Variants in NID2 observed in about 807,000 individuals in gnomAD.
NID2 encodes nidogen 2.
NID2 carries 83 observed loss-of-function variants against 145.4 expected under a neutral mutation model. The ratio of observed to expected loss-of-function variants is 0.57; its 90% CI spans 0.48 to 0.69. The LOEUF (loss-of-function observed/expected upper bound fraction) is 0.69. NID2 is among the 30% of genes least tolerant of loss of function. The probability of loss-of-function intolerance (pLI) is 0.00; values close to 1 mark genes in which losing one functional copy is unlikely to be tolerated. For missense variants in NID2, 1,807 were observed against 1,765.7 expected (o/e 1.02, Z -0.42); for synonymous variants, 739 against 701.3 (o/e 1.05, Z -0.85).
chr14:52,062,911 G>A (rs1893059653), intron 2 of NID2, among the ~76,000 whole-genome samples: 1 of 152,078 alleles, frequency 6.6e-6, no homozygotes, highest in Admixed American at 6.6e-5. Context: ...ACTCATTATG[G>A]GTGGCAAGTA....
rs886647903 is a variant in NID2 at position 52,014,454 on chromosome 14, T to C, written c.3253A>G (p.Ile1085Val). 7 of 1,606,956 alleles carry C rather than the reference T, an allele frequency of 4.4e-6. No homozygotes were observed. The highest frequency in any genetic ancestry group is 6.0e-6 in the Non-Finnish European group (7 of 1,176,312). ...RSQPGTTPAC[I>V]PTVAPPMVRP... is the part of the protein sequence containing the mutation. ...ACCATGGGTGGAGCGACGGTGGGTA[T>C]ACCTGTGGGAGAGAGGGTGGGAGAG... Residue 1085 changes from isoleucine (I) to valine (V), a missense_variant and splice_region_variant, in exon 16 of 22, where the codon ATA becomes GTA. By Grantham distance (29) the Ile-to-Val change is conservative. Coordinates refer to ENST00000216286, the MANE Select transcript of NID2 (RefSeq NM_007361.4).
chr14:52,010,737 A>G, intron 18 of NID2, 139 bp downstream of exon 18: 1 of 798,910 alleles, frequency 1.3e-6, no homozygotes, highest in Non-Finnish European at 2.0e-6. Flanking sequence ...CACCTCTTAG[A>G]TCCTCAGTAA....
intron 19 of NID2, 163 bp from the exon 20 acceptor site, chr14:52,006,823 CCA>C (rs1465676946): frequency 2.8e-5 from 17 of 602,998 alleles, no homozygotes; most frequent in African/African-American, 2.2e-4. Flanking sequence ...TTACTAGTCT[CCA>C]GTTTTTAGTA....
Position 52,054,110 on chromosome 14 carries a change from A to G in NID2, c.979T>C (p.Tyr327His), listed in dbSNP as rs767083735. The G allele has an allele frequency of 2.5e-6, 4 of 1,614,140 alleles. No homozygotes were observed. In the Admixed American group the frequency reaches 6.7e-5, roughly 27 times the overall value. The change falls in exon 4 of 22, where the codon TAC becomes CAC. Residue 327 changes from tyrosine (Y) to histidine (H), a missense_variant. Physicochemically the swap from Tyr to His is moderately conservative, Grantham distance 83. Transcript: ENST00000216286. ...YYDVNEEEAE[Y>H]LPGEPEEALN... ...GCCTCCTCTGGTTCACCCGGAAGGT[A>G]TTCAGCTTCCTCCTCATTCACATCA... is the stretch of plus-strand genomic sequence containing the variant.
chr14:52,043,129 C>G (rs941074998), intron 5 of NID2, among the ~76,000 whole-genome samples, 198 bp from the exon 6 acceptor site: 7 of 152,148 alleles, frequency 4.6e-5, no homozygotes, highest in Admixed American at 3.9e-4. Context: ...CTTACTGCTC[C>G]CGGCTGGGTC....
intron 8 of NID2, 130 bp from the exon 9 acceptor site, chr14:52,039,107 T>G: frequency 3.0e-6 from 2 of 677,598 alleles, no homozygotes. Flanking sequence ...TGAGTTTATA[T>G]GAAAAAATGT....
At chr14:52,011,938 CAT>C (rs1298302426) in intron 16 of NID2, 6 of 404,198 alleles carry the variant, frequency 1.5e-5, no homozygotes, top group South Asian at 3.7e-5. Flanking sequence ...GTACCTGCCT[CAT>C]ATGGTTGCTA....
At chr14:52,005,567 C>CTT (rs761885840) in intron 21 of NID2, 71 bp from the exon 22 acceptor site, 4 of 1,546,582 alleles carry the variant, frequency 2.6e-6, no homozygotes, top group East Asian at 2.2e-5. Flanking sequence ...AACAGCAAGT[C>CTT]TTTGCATTTT....
At position 52,029,404 on chromosome 14, in the gene NID2, T is replaced by A. The variant is rs28759195; in HGVS notation, c.2401+143A>T. 2,265 of 781,396 alleles carry A rather than the reference T, an allele frequency of 2.9e-3. 39 individuals carry two copies. In the African/African-American group the frequency reaches 0.033, roughly 11 times the overall value. The allele number at this position is 781,396 out of a possible 1,614,324, so 48.4% of individuals were successfully genotyped here. On this transcript the variant is annotated intron_variant, in intron 10 of 21. Coordinates refer to ENST00000216286, the MANE Select transcript of NID2 (RefSeq NM_007361.4). ...AGCTATGCTTTAATTTTTAAATAAC[T>A]ATATTCAGATTAACAGCTGCTAAAA... is the stretch of plus-strand genomic sequence containing the variant.
At chr14:52,008,276 A>G (rs1401407943) in intron 18 of NID2, 4 of 236,976 alleles carry the variant, frequency 1.7e-5, no homozygotes, top group South Asian at 1.7e-4. Context: ...GTGCCAAGGA[A>G]CTGATGTCCT....
In NID2 at chr14:52,042,772, A is replaced by G; in HGVS notation, c.1579+10T>C. On this transcript the variant is annotated intron_variant, in intron 6 of 21. Transcript: ENST00000216286. Reference sequence around the variant, plus strand: ...TAGACACACAGGAGTTCCTGGCCCCAGTCAATTACCTTCAGGCAGACAGTG... The same window carrying G: ...TAGACACACAGGAGTTCCTGGCCCCGGTCAATTACCTTCAGGCAGACAGTG... The G allele has an allele frequency of 6.2e-7, 1 of 1,614,004 alleles. No homozygotes were observed. The highest frequency in any genetic ancestry group is 1.3e-5 in the African/African-American group (1 of 75,042).
At chr14:52,060,730 C>A (rs978626883) in intron 2 of NID2, among the ~76,000 whole-genome samples, 1 of 152,238 alleles carries the variant, frequency 6.6e-6, no homozygotes, top group Admixed American at 6.5e-5. Context: ...ATCCTGCAGT[C>A]ACTGCCCTAG....
chr14:52,055,432 C>T (rs755498197), intron 3 of NID2, among the ~76,000 whole-genome samples: 1 of 152,090 alleles, frequency 6.6e-6, no homozygotes, highest in East Asian at 1.9e-4. Flanking sequence ...ATACAAATGC[C>T]AAAACCTAAA....
intron 10 of NID2, 81 bp from the exon 11 acceptor site, chr14:52,028,931 C>T: frequency 1.4e-6 from 2 of 1,431,204 alleles, no homozygotes; most frequent in Non-Finnish European, 1.9e-6. Flanking sequence ...AATGTTTTCT[C>T]ACTAGTATGA....
intron 5 of NID2, among the ~76,000 whole-genome samples, chr14:52,044,175 A>G (rs919437344): frequency 6.6e-6 from 1 of 152,112 alleles, no homozygotes; most frequent in Non-Finnish European, 1.5e-5. Context: ...GTACAATGTC[A>G]CCAAGATAAA....
chr14:52,043,449 C>T (rs1295315476), intron 5 of NID2, among the ~76,000 whole-genome samples: 2 of 152,172 alleles, frequency 1.3e-5, no homozygotes, highest in Admixed American at 6.5e-5. Context: ...AAAGAACACA[C>T]GCACCTACCT....
At chr14:52,052,527 C>G (rs1242704331) in intron 5 of NID2, among the ~76,000 whole-genome samples, 4 of 152,198 alleles carry the variant, frequency 2.6e-5, no homozygotes, top group Admixed American at 2.6e-4. Flanking sequence ...AAACTCGAAG[C>G]CGACACCAAT....
intron 3 of NID2, among the ~76,000 whole-genome samples, chr14:52,056,760 C>T (rs1370912010): frequency 2.0e-5 from 3 of 152,120 alleles, no homozygotes; most frequent in African/African-American, 7.2e-5. Flanking sequence ...CCACTGCACT[C>T]CAGCCTGGAT....
chr14:52,067,219 C>T (rs1475609853), intron 2 of NID2, among the ~76,000 whole-genome samples: 1 of 152,208 alleles, frequency 6.6e-6, no homozygotes, highest in Non-Finnish European at 1.5e-5. Flanking sequence ...CTGTGGTACA[C>T]CCACTATTAT....
Sources: gnomAD v4.1 joint callset for allele counts (sites outside exome capture counted in the v4.1 genomes callset) on GRCh38, gnomAD v4.1.1 for gene constraint, MANE v1.5 for transcripts, NCBI Gene and HGNC (gene_info 2026-07-23, HGNC 2026-07-21) for gene names.